The following SUV39H2 variants were observed in gnomAD, a reference collection of about 807,000 sequenced individuals.
SUV39H2 encodes the protein histone-lysine N-methyltransferase SUV39H2.
In SUV39H2, 10 loss-of-function variants were observed where a neutral mutation model predicts 47.5. The ratio of observed to expected loss-of-function variants is 0.21; its 90% CI spans 0.13 to 0.36. The LOEUF (loss-of-function observed/expected upper bound fraction) is 0.36. SUV39H2 is among the 10% of genes least tolerant of loss of function. SUV39H2 has a pLI of 1.00. For missense variants in SUV39H2, 266 were observed against 487.4 expected, an observed-to-expected ratio of 0.55 and a Z score of 4.28; for synonymous variants, 159 against 166.8, an observed-to-expected ratio of 0.95 and a Z score of 0.36.
chr10:14,895,441 G>T (rs1317324600), intron 2 of SUV39H2, among the ~76,000 whole-genome samples: 1 of 152,176 alleles, frequency 6.6e-6, no homozygotes, highest in East Asian at 1.9e-4. Flanking sequence ...CTCCCAAAGT[G>T]CTGGGATTAC....
Position 14,881,494 on chromosome 10 carries a change from T to C in SUV39H2, c.32-6T>C, listed in dbSNP as rs1393160958. 2 of 1,496,856 alleles carry C rather than the reference T, an allele frequency of 1.3e-6. No individual in the cohort carries two copies. Among genetic ancestry groups the C allele is most frequent in the Non-Finnish European group, 1.8e-6 (2 of 1,127,344 alleles). The allele number at this position is 1,496,856 out of a possible 1,614,324, so 92.7% of individuals were successfully genotyped here. ...ATTAGTAAAGAATTCTATTTTCTTA[T>C]TGTAGCTTGGTGTGTGCCTTGCCTA... On this transcript the variant is annotated splice_polypyrimidine_tract_variant and splice_region_variant and intron_variant, in intron 1 of 5. Coordinates refer to ENST00000354919, the MANE Select transcript of SUV39H2 (RefSeq NM_001193424.2).
At chr10:14,901,498 T>A (rs1170641952) in intron 5 of SUV39H2, among the ~76,000 whole-genome samples, 1 of 152,156 alleles carries the variant, frequency 6.6e-6, no homozygotes. Context: ...ACTTCCATTT[T>A]GGAAACTGAT....
At chr10:14,901,328 A>G (rs945970713) in intron 5 of SUV39H2, 66 bp downstream of exon 5, 4 of 1,595,780 alleles carry the variant, frequency 2.5e-6, no homozygotes, top group East Asian at 4.5e-5. Flanking sequence ...CAGACTAGGA[A>G]CAGACCTTAG....
intron 3 of SUV39H2, chr10:14,898,259 G>A (rs576135237): frequency 7.9e-4 from 61 of 77,684 alleles, no homozygotes; most frequent in African/African-American, 2.9e-3. Context: ...GTCCATTATT[G>A]TAGAGAAATT....
intron 5 of SUV39H2, among the ~76,000 whole-genome samples, chr10:14,901,475 G>A (rs895873655): frequency 4.0e-5 from 6 of 151,850 alleles, no homozygotes; most frequent in Non-Finnish European, 5.9e-5. Context: ...GTTCTACATC[G>A]TAAATTTTCA....
rs3740112 is a variant in SUV39H2 at position 14,897,016 on chromosome 10, C to G, written c.348C>G (p.Asn116Lys). The G allele has an allele frequency of 2.5e-6, 4 of 1,613,986 alleles. No individual in the cohort carries two copies. The highest frequency in any genetic ancestry group is 3.4e-6 in the Non-Finnish European group (4 of 1,179,990). ...AAGCAATAACTCCAAAAGACAATAACAAAACTTTGAAACCTGCCATTGCTG... is the reference window on the plus strand; with the variant it reads ...AAGCAATAACTCCAAAAGACAATAAGAAAACTTTGAAACCTGCCATTGCTG... ...KGKAITPKDN[N>K]KTLKPAIAEY... The change falls in exon 3 of 6, where the codon AAC (asparagine) becomes AAG (lysine). Residue 116 changes from asparagine to lysine, a missense_variant. Physicochemically the swap from Asn to Lys is moderately conservative, Grantham distance 94 (BLOSUM62 0). Transcript: ENST00000354919.
intron 2 of SUV39H2, among the ~76,000 whole-genome samples, chr10:14,894,355 GTTTTTT>G (rs35812740): frequency 5.2e-5 from 3 of 58,088 alleles, no homozygotes; most frequent in East Asian, 1.2e-3. Flanking sequence ...AGAAAGCAAA[GTTTTTT>G]TTTTTTTTTT....
At position 14,901,058 on chromosome 10, in the gene SUV39H2, A is replaced by G. The variant is rs1458455965; in HGVS notation, c.997-75A>G. 3 of 1,537,534 alleles carry G rather than the reference A, an allele frequency of 2.0e-6. No homozygotes were observed. In the Admixed American group the frequency reaches 5.9e-5, roughly 30 times the overall value. ...ACTTAAACTAAATCTCTAGGAAAGT[A>G]AACATTTTATATGGCATGTAGAAGG... On this transcript the variant is annotated intron_variant, in intron 4 of 5. Transcript: ENST00000354919.
At chr10:14,881,995 A>ACCAAT (rs921481655) in intron 2 of SUV39H2, among the ~76,000 whole-genome samples, 54 of 152,310 alleles carry the variant, frequency 3.5e-4, no homozygotes, top group African/African-American at 1.3e-3. Context: ...ACCGTTTCAA[A>ACCAAT]CCAATTTTAG....
chr10:14,898,281 C>T (rs548393094), intron 3 of SUV39H2: 2 of 140,806 alleles, frequency 1.4e-5, no homozygotes, highest in Non-Finnish European at 3.0e-5. Flanking sequence ...AGTACCTTGC[C>T]CAAGGTCACA....
rs923263877 is a variant in SUV39H2, at chr10:14,904,242, T to G, written c.*1730T>G. On this transcript the variant is annotated 3_prime_UTR_variant, in exon 6 of 6. Coordinates refer to ENST00000354919, the MANE Select transcript of SUV39H2 (RefSeq NM_001193424.2). ...ATCACTTGAATTCAGGAGGCGGAGG[T>G]TGCAGTGAGCCAAGATCATACCACT... 6.6e-6 allele frequency: 1 copy of G among 150,486 alleles called. No individual in the cohort carries two copies. Among genetic ancestry groups the G allele is most frequent in the African/African-American group, 2.5e-5 (1 of 40,718 alleles). The allele number at this position is 150,486 out of a possible 1,614,324, so 9.3% of individuals were successfully genotyped here.
chr10:14,878,960 G>C (rs1033248832), intron 1 of SUV39H2, 41 bp downstream of exon 1: 3 of 1,422,194 alleles, frequency 2.1e-6, no homozygotes, highest in African/African-American at 1.5e-5. Context: ...CCTGTTCCCA[G>C]GCAAGCTCCC....
intron 3 of SUV39H2, 93 bp downstream of exon 3, chr10:14,897,610 C>G (rs898314234): frequency 3.8e-6 from 4 of 1,056,258 alleles, no homozygotes; most frequent in Non-Finnish European, 5.0e-6. Context: ...ATACTTGGTA[C>G]ATTTTGATAT....
chr10:14,891,050 ATAACT>A (rs1398710781), intron 2 of SUV39H2, among the ~76,000 whole-genome samples: 3 of 152,246 alleles, frequency 2.0e-5, no homozygotes, highest in Non-Finnish European at 4.4e-5. Context: ...CTTCCCGCAA[ATAACT>A]TAGAGTTTAA....
At chr10:14,892,557 G>T (rs1316746784) in intron 2 of SUV39H2, among the ~76,000 whole-genome samples, 2 of 152,124 alleles carry the variant, frequency 1.3e-5, no homozygotes, top group South Asian at 4.2e-4. Context: ...CACTCCTTCA[G>T]AGTGTAGTGT....
intron 2 of SUV39H2, among the ~76,000 whole-genome samples, chr10:14,887,025 G>C (rs1463528905): frequency 6.6e-6 from 1 of 152,164 alleles, no homozygotes; most frequent in African/African-American, 2.4e-5. Flanking sequence ...AAGGCAATGG[G>C]GAGTTAGTTG....
Position 14,897,386 on chromosome 10 carries a change from C to A in SUV39H2, c.718C>A (p.Pro240Thr). The change falls in exon 3 of 6, where the codon CCC becomes ACC. Residue 240 changes from proline to threonine, a missense_variant. This residue lies in a region of SUV39H2 where 112 missense variants were observed against 271.9 expected (regional missense o/e 0.41). Transcript: ENST00000354919. ...AAGGTGTCAGTGTGGTCCTGATTGT[C>A]CCAATAGGATTGTACAAAAAGGCAC... ...NSRCQCGPDC[P>T]NRIVQKGTQY... 6.2e-7 allele frequency: 1 copy of A among 1,613,352 alleles called. No individual in the cohort carries two copies. Among genetic ancestry groups the A allele is most frequent in the East Asian group, 2.2e-5 (1 of 44,876 alleles).
intron 2 of SUV39H2, among the ~76,000 whole-genome samples, chr10:14,890,372 CACTGGTGTTTTCAT>C (rs1311212309): frequency 1.3e-5 from 2 of 152,172 alleles, no homozygotes; most frequent in Admixed American, 1.3e-4. Flanking sequence ...CCCATGGAAC[CACTGGTGTTTTCAT>C]AATCAAATTC....
At chr10:14,882,659 G>A (rs995742671) in intron 2 of SUV39H2, among the ~76,000 whole-genome samples, 3 of 152,154 alleles carry the variant, frequency 2.0e-5, no homozygotes, top group Non-Finnish European at 1.5e-5. Flanking sequence ...ATTCTTGTCA[G>A]CAGGTTTTCC....
Sources: gnomAD v4.1 joint callset for allele counts (sites outside exome capture counted in the v4.1 genomes callset) on GRCh38, gnomAD v4.1.1 for gene constraint, gnomAD v4.1.1 regional missense constraint, MANE v1.5 for transcripts, NCBI Gene and HGNC (gene_info 2026-07-23, HGNC 2026-07-21) for gene names.